Variants in MCTP1 observed in about 807,000 individuals in gnomAD.
The protein encoded by MCTP1 is multiple C2 and transmembrane domain-containing protein 1.
A neutral mutation model predicts 120.6 loss-of-function variants in MCTP1; 69 were observed. The ratio of observed to expected loss-of-function variants is 0.57; its 90% CI spans 0.47 to 0.70. The LOEUF is 0.70. Ranked by LOEUF, MCTP1 falls within the 30% of genes least tolerant of loss-of-function variation. The pLI is 0.00. For synonymous variants in MCTP1, 529 were observed against 493.1 expected (o/e 1.07, Z -0.96); for missense variants, 1,203 against 1,248.8 (o/e 0.96, Z 0.55).
At chr5:95,180,968 C>G (rs189644445) in intron 1 of MCTP1, among the ~76,000 whole-genome samples, 23 of 152,184 alleles carry the variant, frequency 1.5e-4, no homozygotes, top group Non-Finnish European at 3.4e-4. Context: ...AGGATATACC[C>G]TGAAGCTGAC....
chr5:95,011,922 C>A (rs543562427), intron 2 of MCTP1, among the ~76,000 whole-genome samples: 1 of 152,076 alleles, frequency 6.6e-6, no homozygotes, highest in South Asian at 2.1e-4. Context: ...CCCTTACTTT[C>A]TGGCACTGCA....
intron 17 of MCTP1, among the ~76,000 whole-genome samples, chr5:94,817,639 T>A (rs1485970103): frequency 6.6e-6 from 1 of 152,222 alleles, no homozygotes; most frequent in African/African-American, 2.4e-5. Context: ...ATTCTAGGTA[T>A]ATTGTAGTTG....
chr5:94,926,002 C>A (rs997424400), intron 6 of MCTP1, among the ~76,000 whole-genome samples: 1 of 151,838 alleles, frequency 6.6e-6, no homozygotes, highest in Admixed American at 6.6e-5. Context: ...AGTAAAAAAT[C>A]TAGAAAAGAA....
chr5:94,954,559 A>T (rs186235062), intron 2 of MCTP1, among the ~76,000 whole-genome samples: 1 of 152,282 alleles, frequency 6.6e-6, no homozygotes, highest in East Asian at 1.9e-4. Context: ...TCTATTTTTT[A>T]AAACCACACT....
In MCTP1 at chr5:94,704,319, TTGTATTTC is replaced by T. The variant is rs929192296; in HGVS notation, c.*3169_*3176del. ...GAAGTATAATGGTAGCTGTCTTTAC[TTGTATTTC>T]TGGAGCAAAAAGGTATAACTGCCTT... On this transcript the variant is annotated 3_prime_UTR_variant, in exon 23 of 23. Coordinates refer to ENST00000515393, the MANE Select transcript of MCTP1 (RefSeq NM_024717.7). 3 of 151,616 alleles carry T rather than the reference TTGTATTTC, an allele frequency of 2.0e-5. No individual in the cohort carries two copies. The highest frequency in any genetic ancestry group is 4.4e-5 in the Non-Finnish European group (3 of 67,686). The allele number at this position is 151,616 out of a possible 1,614,324, so 9.4% of individuals were successfully genotyped here. A position where few individuals can be genotyped will look rare whatever the true frequency, so the allele number is the denominator to read the frequency against.
intron 2 of MCTP1, among the ~76,000 whole-genome samples, chr5:94,974,029 A>G (rs1422303029): frequency 6.6e-6 from 1 of 152,162 alleles, no homozygotes; most frequent in Non-Finnish European, 1.5e-5. Flanking sequence ...CTCCCACAAA[A>G]TAAACATTCA....
intron 1 of MCTP1, among the ~76,000 whole-genome samples, chr5:95,028,969 A>G (rs1025520594): frequency 1.2e-4 from 18 of 151,814 alleles, no homozygotes; most frequent in Admixed American, 2.6e-4. Flanking sequence ...GACCAGCCTG[A>G]CCAACATGGT....
rs187815584 is a variant in MCTP1 at position 94,958,619 on chromosome 5, C to T, written c.839-5258G>A. Reference sequence around the variant, plus strand: ...TGATATCCCACAGAAATAGAAACTACCATCAGAGAATACTATAAACACCTC... The same window carrying T: ...TGATATCCCACAGAAATAGAAACTATCATCAGAGAATACTATAAACACCTC... On this transcript the variant is annotated intron_variant, in intron 2 of 22. Transcript: ENST00000515393. Among the ~76,000 whole-genome samples, 215 of 152,172 alleles carry T rather than the reference C, an allele frequency of 1.4e-3. 1 individual carries two copies. Among genetic ancestry groups the T allele is most frequent in the African/African-American group, 4.8e-3 (200 of 41,520 alleles).
At chr5:94,915,856 C>T (rs1273267492) in intron 8 of MCTP1, among the ~76,000 whole-genome samples, 1 of 152,012 alleles carries the variant, frequency 6.6e-6, no homozygotes, top group Non-Finnish European at 1.5e-5. Flanking sequence ...AGAGACTTTA[C>T]CTACTGCCAT....
rs962357239 is a variant in MCTP1 at position 95,227,586 on chromosome 5, T to A, written c.720+56270A>T. Among the ~76,000 whole-genome samples the A allele has an allele frequency of 5.3e-5, 8 of 152,294 alleles. No homozygotes were observed. In the East Asian group the frequency reaches 1.5e-3, roughly 29 times the overall value. ...AACTTTATAGGAATCATAGGAATCA[T>A]AACAAATAGTTTATAACATCTTCTA... On this transcript the variant is annotated intron_variant, in intron 1 of 22. Coordinates refer to ENST00000515393, the MANE Select transcript of MCTP1 (RefSeq NM_024717.7).
chr5:94,718,569 G>A (rs1214300018), intron 19 of MCTP1, among the ~76,000 whole-genome samples: 2 of 152,026 alleles, frequency 1.3e-5, no homozygotes, highest in Non-Finnish European at 2.9e-5. Context: ...AGAAATCAGA[G>A]TGAACAGACA....
intron 2 of MCTP1, among the ~76,000 whole-genome samples, chr5:95,006,618 CACA>C (rs1420602590): frequency 1.3e-5 from 2 of 152,144 alleles, no homozygotes; most frequent in Admixed American, 1.3e-4. Flanking sequence ...AGCACAAAAA[CACA>C]ACATGACAGG....
chr5:95,078,753 C>A (rs965597094), intron 1 of MCTP1, among the ~76,000 whole-genome samples: 2 of 152,078 alleles, frequency 1.3e-5, no homozygotes, highest in Non-Finnish European at 2.9e-5. Flanking sequence ...TCTGGTCATT[C>A]TACTACTAAT....
At chr5:94,986,474 T>C (rs550705155) in intron 2 of MCTP1, among the ~76,000 whole-genome samples, 11 of 152,238 alleles carry the variant, frequency 7.2e-5, no homozygotes, top group African/African-American at 2.4e-4. Context: ...AGTTCAAACT[T>C]CAAAACACCC....
intron 10 of MCTP1, among the ~76,000 whole-genome samples, chr5:94,904,426 A>G (rs2153425351): frequency 6.6e-6 from 1 of 152,298 alleles, no homozygotes; most frequent in Middle Eastern, 3.4e-3. Flanking sequence ...CAGGTTGTAA[A>G]GCATTATTAT....
intron 1 of MCTP1, among the ~76,000 whole-genome samples, chr5:95,083,903 A>G (rs1269931320): frequency 6.6e-6 from 1 of 152,202 alleles, no homozygotes; most frequent in Non-Finnish European, 1.5e-5. Flanking sequence ...AAGGAATACT[A>G]CCTAGTTATT....
intron 17 of MCTP1, among the ~76,000 whole-genome samples, chr5:94,814,520 G>T (rs1302814549): frequency 1.3e-5 from 2 of 152,138 alleles, no homozygotes; most frequent in African/African-American, 4.8e-5. Context: ...GAAAAGCAGG[G>T]TCCTAGAGGC....
chr5:95,150,436 T>C (rs1400944657), intron 1 of MCTP1, among the ~76,000 whole-genome samples: 1 of 152,214 alleles, frequency 6.6e-6, no homozygotes, highest in Non-Finnish European at 1.5e-5. Context: ...TAGTATGGTA[T>C]CCTAAGTAAG....
intron 1 of MCTP1, among the ~76,000 whole-genome samples, chr5:95,037,806 G>A (rs1841615766): frequency 6.6e-6 from 1 of 152,144 alleles, no homozygotes; most frequent in Admixed American, 6.5e-5. Flanking sequence ...TGAGGCGGAG[G>A]TTGCAGTGAG....
Sources: gnomAD v4.1 joint callset for allele counts (sites outside exome capture counted in the v4.1 genomes callset) on GRCh38, gnomAD v4.1.1 for gene constraint, MANE v1.5 for transcripts, NCBI Gene and HGNC (gene_info 2026-07-23, HGNC 2026-07-21) for gene names.